C10orf90: variants seen among roughly 807,000 people sequenced by gnomAD.
C10orf90 encodes chromosome 10 open reading frame 90, also known as (E2-independent) E3 ubiquitin-conjugating enzyme FATS.
A neutral mutation model predicts 62.5 loss-of-function variants in C10orf90; 56 were observed. That is an observed-to-expected ratio of 0.90 (90% CI 0.72 to 1.12). The LOEUF (loss-of-function observed/expected upper bound fraction) is 1.12. Ranked by LOEUF, C10orf90 falls within the 50% of genes most tolerant of loss-of-function variation. The pLI is 0.00. For synonymous variants in C10orf90, 386 were observed against 340.4 expected, an observed-to-expected ratio of 1.13 and a Z score of -1.47; for missense variants, 970 against 880.4, an observed-to-expected ratio of 1.10 and a Z score of -1.29.
intron 3 of C10orf90, among the ~76,000 whole-genome samples, chr10:126,506,589 G>A (rs1473843431): frequency 6.6e-6 from 1 of 152,216 alleles, no homozygotes; most frequent in African/African-American, 2.4e-5. Flanking sequence ...CCAGACCCCA[G>A]AGATTGATTC....
At chr10:126,489,169 A>G (rs1861589209) in intron 4 of C10orf90, among the ~76,000 whole-genome samples, 1 of 152,184 alleles carries the variant, frequency 6.6e-6, no homozygotes, top group South Asian at 2.1e-4. Flanking sequence ...TATTTTTTAA[A>G]AGTATAATGG....
chr10:126,530,825 A>T (rs535608428), intron 2 of C10orf90, among the ~76,000 whole-genome samples: 5 of 152,204 alleles, frequency 3.3e-5, no homozygotes, highest in Admixed American at 3.3e-4. Context: ...GATAAAGAGA[A>T]AAAAACAAAA....
At chr10:126,483,882 A>T (rs1861288622) in intron 4 of C10orf90, among the ~76,000 whole-genome samples, 1 of 151,986 alleles carries the variant, frequency 6.6e-6, no homozygotes, top group Non-Finnish European at 1.5e-5. Context: ...ATTCTCCAAG[A>T]CTGTGCATTT....
chr10:126,519,073 A>G (rs1863602443), intron 2 of C10orf90, among the ~76,000 whole-genome samples: 1 of 152,192 alleles, frequency 6.6e-6, no homozygotes, highest in Non-Finnish European at 1.5e-5. Context: ...AGCCACGGAC[A>G]GAGCCCTTCC....
chr10:126,658,318 A>G (rs574750257), intron 1 of C10orf90, among the ~76,000 whole-genome samples: 12 of 152,356 alleles, frequency 7.9e-5, no homozygotes, highest in Middle Eastern at 3.4e-3. Context: ...GAAGGAAAAG[A>G]AAGACAGGGC....
At chr10:126,582,319 T>C (rs184179854) in intron 2 of C10orf90, among the ~76,000 whole-genome samples, 1 of 152,340 alleles carries the variant, frequency 6.6e-6, no homozygotes, top group African/African-American at 2.4e-5. Context: ...CAATATCTTC[T>C]CCACTTTGGA....
chr10:126,490,100 AAT>A (rs202116688), intron 4 of C10orf90, among the ~76,000 whole-genome samples: 8,169 of 128,342 alleles, frequency 0.064, 838 homozygotes, highest in African/African-American at 0.21. Flanking sequence ...TATAATATAT[AAT>A]ATATATGTAT....
intron 7 of C10orf90, among the ~76,000 whole-genome samples, chr10:126,443,931 C>T (rs1858568993): frequency 6.6e-6 from 1 of 152,018 alleles, no homozygotes; most frequent in African/African-American, 2.4e-5. Context: ...GTCATACGAT[C>T]ATCTCAATAG....
intron 2 of C10orf90, among the ~76,000 whole-genome samples, chr10:126,580,787 T>TGTGTG (rs1197899198): frequency 6.6e-6 from 1 of 151,582 alleles, no homozygotes; most frequent in East Asian, 1.9e-4. Context: ...TGTGTGTCTA[T>TGTGTG]GTGTGGTGTG....
intron 2 of C10orf90, among the ~76,000 whole-genome samples, chr10:126,628,567 G>A (rs928967014): frequency 6.6e-6 from 1 of 152,184 alleles, no homozygotes; most frequent in Non-Finnish European, 1.5e-5. Flanking sequence ...GGAGCCCAGG[G>A]GGAGGCATGC....
intron 6 of C10orf90, among the ~76,000 whole-genome samples, chr10:126,459,652 C>G (rs1859831935): frequency 6.6e-6 from 1 of 152,248 alleles, no homozygotes; most frequent in Non-Finnish European, 1.5e-5. Context: ...CCAAGAAGCA[C>G]AGACACAGAT....
Position 126,651,657 on chromosome 10 carries a change from GC to G in C10orf90, c.241-5021del, listed in dbSNP as rs1846293930. Among the ~76,000 whole-genome samples, 2 of 152,136 alleles carry G rather than the reference GC, an allele frequency of 1.3e-5. 1 individual carries two copies. Among genetic ancestry groups the G allele is most frequent in the South Asian group, 4.1e-4 (2 of 4,830 alleles). ...AGGAAAGAAGAGATGGGAGAAAACA[GC>G]TGAGAATTTCCCAGAGTCTATACAG... On this transcript the variant is annotated intron_variant, in intron 1 of 9. Coordinates refer to ENST00000488181, the MANE Select transcript of C10orf90 (RefSeq NM_001350921.2).
intron 2 of C10orf90, among the ~76,000 whole-genome samples, chr10:126,593,026 T>C (rs181030257): frequency 2.6e-5 from 4 of 152,168 alleles, no homozygotes; most frequent in African/African-American, 9.6e-5. Flanking sequence ...GATTAAGAAG[T>C]CAGGAAACAA....
At chr10:126,554,314 A>G (rs1344890212) in intron 2 of C10orf90, among the ~76,000 whole-genome samples, 1 of 152,148 alleles carries the variant, frequency 6.6e-6, no homozygotes, top group Non-Finnish European at 1.5e-5. Context: ...TCAAGGGGCA[A>G]AAGTAATCGA....
At chr10:126,631,289 T>A (rs1052020956) in intron 2 of C10orf90, among the ~76,000 whole-genome samples, 2 of 152,156 alleles carry the variant, frequency 1.3e-5, no homozygotes, top group Non-Finnish European at 2.9e-5. Flanking sequence ...ACTCACGCCA[T>A]TTCTTGGTAG....
intron 7 of C10orf90, among the ~76,000 whole-genome samples, chr10:126,457,860 T>C (rs1489051080): frequency 6.6e-6 from 1 of 152,202 alleles, no homozygotes; most frequent in Non-Finnish European, 1.5e-5. Context: ...TATATCCCCA[T>C]TGAACCTTTA....
intron 2 of C10orf90, among the ~76,000 whole-genome samples, chr10:126,641,187 G>A (rs149841012): frequency 5.9e-5 from 9 of 152,184 alleles, no homozygotes; most frequent in Non-Finnish European, 1.3e-4. Context: ...CCAGGTTCTG[G>A]GATGTTTTTA....
At chr10:126,444,365 C>CT (rs1452582914) in intron 7 of C10orf90, among the ~76,000 whole-genome samples, 1 of 152,030 alleles carries the variant, frequency 6.6e-6, no homozygotes, top group Non-Finnish European at 1.5e-5. Context: ...AGTAGCTCTC[C>CT]TATACAACAA....
intron 2 of C10orf90, among the ~76,000 whole-genome samples, chr10:126,514,230 T>G (rs1863303630): frequency 1.3e-5 from 2 of 152,194 alleles, no homozygotes; most frequent in Admixed American, 6.5e-5. Flanking sequence ...CCTATCATAT[T>G]CACCAGTGTC....
Sources: gnomAD v4.1 joint callset for allele counts (sites outside exome capture counted in the v4.1 genomes callset) on GRCh38, gnomAD v4.1.1 for gene constraint, MANE v1.5 for transcripts, NCBI Gene and HGNC (gene_info 2026-07-23, HGNC 2026-07-21) for gene names.